The following CORIN variants were observed in gnomAD, a reference collection of about 807,000 sequenced individuals.
The protein encoded by CORIN is corin, serine peptidase.
CORIN carries 117 observed loss-of-function variants against 125.3 expected under a neutral mutation model. The ratio of observed to expected loss-of-function variants is 0.93; its 90% CI spans 0.80 to 1.09. The LOEUF is 1.09. Among genes scored for constraint, CORIN ranks in the 50% least tolerant of loss-of-function variants. The probability of loss-of-function intolerance (pLI) is 0.00; values close to 1 mark genes in which losing one functional copy is unlikely to be tolerated. For missense variants in CORIN, 1,253 were observed against 1,306.7 expected (o/e 0.96, Z 0.63); for synonymous variants, 450 against 466.4 (o/e 0.96, Z 0.45).
intron 4 of CORIN, among the ~76,000 whole-genome samples, chr4:47,745,564 G>A (rs1728628039): frequency 6.6e-6 from 1 of 152,208 alleles, no homozygotes; most frequent in African/African-American, 2.4e-5. Context: ...GGAGATTCTA[G>A]GACAGACTTG....
intron 5 of CORIN, among the ~76,000 whole-genome samples, chr4:47,724,056 T>C (rs1213269267): frequency 6.7e-6 from 1 of 148,166 alleles, no homozygotes; most frequent in Non-Finnish European, 1.5e-5. Flanking sequence ...GAAAAGATAA[T>C]TAATAGGCAC....
At chr4:47,749,054 T>C (rs996557828) in intron 4 of CORIN, among the ~76,000 whole-genome samples, 2 of 152,202 alleles carry the variant, frequency 1.3e-5, no homozygotes, top group African/African-American at 4.8e-5. Context: ...CTTTTTACTT[T>C]TGGCAAATAA....
At chr4:47,712,104 T>C (rs1577853042) in intron 5 of CORIN, among the ~76,000 whole-genome samples, 1 of 152,248 alleles carries the variant, frequency 6.6e-6, no homozygotes, top group East Asian at 1.9e-4. Context: ...AGATAATATA[T>C]GTTAACAATT....
chr4:47,827,878 C>T (rs563340981), intron 1 of CORIN, among the ~76,000 whole-genome samples: 19 of 152,264 alleles, frequency 1.2e-4, no homozygotes, highest in Admixed American at 5.2e-4. Flanking sequence ...TGTCTCTCCT[C>T]GTTCTGTTCA....
intron 5 of CORIN, among the ~76,000 whole-genome samples, chr4:47,740,272 A>G (rs548300318): frequency 2.0e-5 from 3 of 151,914 alleles, no homozygotes; most frequent in Admixed American, 1.3e-4. Context: ...GGTGGAGTGT[A>G]CTACAGATGT....
intron 3 of CORIN, among the ~76,000 whole-genome samples, chr4:47,771,032 T>C (rs181111869): frequency 1.3e-5 from 2 of 152,276 alleles, no homozygotes; most frequent in East Asian, 3.9e-4. Context: ...ATTTTAAGTA[T>C]ACTCACCCCC....
chr4:47,804,753 T>G, intron 2 of CORIN, among the ~76,000 whole-genome samples: 1 of 149,072 alleles, frequency 6.7e-6, no homozygotes, highest in Non-Finnish European at 1.5e-5. Context: ...GGGTTGTTAA[T>G]GGGTACAAAA....
intron 2 of CORIN, among the ~76,000 whole-genome samples, chr4:47,798,287 A>C (rs534344611): frequency 6.6e-6 from 1 of 152,318 alleles, no homozygotes; most frequent in South Asian, 2.1e-4. Context: ...AGACAAAATT[A>C]GAGACACGTA....
At chr4:47,618,776 G>A (rs770449106) in intron 19 of CORIN, among the ~76,000 whole-genome samples, 5 of 151,620 alleles carry the variant, frequency 3.3e-5, no homozygotes, top group South Asian at 2.1e-4. Flanking sequence ...CCAAGATCGC[G>A]CGGCTGCACT....
intron 6 of CORIN, among the ~76,000 whole-genome samples, chr4:47,691,154 G>A (rs1158736937): frequency 6.6e-6 from 1 of 152,188 alleles, no homozygotes; most frequent in Non-Finnish European, 1.5e-5. Flanking sequence ...GGTTTGGAGT[G>A]CAATGCTCAG....
chr4:47,835,176 G>A (rs1733325135), intron 1 of CORIN, among the ~76,000 whole-genome samples: 1 of 152,196 alleles, frequency 6.6e-6, no homozygotes, highest in Admixed American at 6.5e-5. Context: ...TCCCTTGAGT[G>A]TTTAGTGTGA....
At chr4:47,748,012 A>G (rs899125851) in intron 4 of CORIN, among the ~76,000 whole-genome samples, 3 of 152,188 alleles carry the variant, frequency 2.0e-5, no homozygotes, top group African/African-American at 7.2e-5. Context: ...TAGGCCCTCC[A>G]TTCTAAAAAT....
intron 2 of CORIN, among the ~76,000 whole-genome samples, chr4:47,799,310 T>A (rs1333542675): frequency 6.6e-6 from 1 of 152,196 alleles, no homozygotes; most frequent in Non-Finnish European, 1.5e-5. Context: ...ATGAGACTGC[T>A]GGGTCAAATG....
intron 5 of CORIN, among the ~76,000 whole-genome samples, chr4:47,720,381 T>G (rs1410332881): frequency 6.6e-6 from 1 of 152,188 alleles, no homozygotes; most frequent in Non-Finnish European, 1.5e-5. Flanking sequence ...TAAATTTCTT[T>G]TTCTCCAGGT....
intron 3 of CORIN, among the ~76,000 whole-genome samples, chr4:47,768,645 T>C (rs909211910): frequency 1.3e-5 from 2 of 152,172 alleles, no homozygotes; most frequent in Non-Finnish European, 2.9e-5. Flanking sequence ...GTGGAATTTA[T>C]ACCTGGGATG....
rs576189765 is a variant in CORIN, at chr4:47,622,906, G to A, written c.2540+665C>T. 1.5e-3 allele frequency among the ~76,000 whole-genome samples: 222 copies of A among 152,032 alleles called. 1 individual carries two copies. Among genetic ancestry groups the A allele is most frequent in the African/African-American group, 5.2e-3 (214 of 41,456 alleles). Reference sequence around the variant, plus strand: ...TTTTGGTTTGGTTTGGTTTGGATGGGCTCAAGTGATCACTCTTCCTCGGAG... The same window carrying A: ...TTTTGGTTTGGTTTGGTTTGGATGGACTCAAGTGATCACTCTTCCTCGGAG... On this transcript the variant is annotated intron_variant, in intron 19 of 21. Transcript: ENST00000273857.
chr4:47,728,532 T>A (rs2109809441), intron 5 of CORIN, among the ~76,000 whole-genome samples: 1 of 152,292 alleles, frequency 6.6e-6, no homozygotes, highest in South Asian at 2.1e-4. Context: ...AGATGATGTT[T>A]TGAATAGCAA....
At chr4:47,718,623 T>C (rs539784361) in intron 5 of CORIN, among the ~76,000 whole-genome samples, 1 of 152,222 alleles carries the variant, frequency 6.6e-6, no homozygotes, top group South Asian at 2.1e-4. Flanking sequence ...ATTTTTAGAC[T>C]AAACAATATT....
At chr4:47,598,338 AGTTGT>A (rs1229008790) in intron 21 of CORIN, among the ~76,000 whole-genome samples, 2 of 152,138 alleles carry the variant, frequency 1.3e-5, no homozygotes, top group Admixed American at 1.3e-4. Context: ...TTCTACCTGA[AGTTGT>A]GTTAGAGAAT....
Sources: gnomAD v4.1 joint callset for allele counts (sites outside exome capture counted in the v4.1 genomes callset) on GRCh38, gnomAD v4.1.1 for gene constraint, MANE v1.5 for transcripts, NCBI Gene and HGNC (gene_info 2026-07-23, HGNC 2026-07-21) for gene names.